The following MACO1 variants were observed in gnomAD, a reference collection of about 807,000 sequenced individuals.
The protein encoded by MACO1 is macoilin.
Under a neutral mutation model 78.7 loss-of-function variants are expected in MACO1, and 14 were observed. The ratio of observed to expected loss-of-function variants is 0.18; its 90% confidence interval spans 0.12 to 0.28. MACO1 has a LOEUF of 0.28. Among genes scored for constraint, MACO1 ranks in the 10% least tolerant of loss-of-function variants. The pLI is 1.00. For missense variants in MACO1, 501 were observed against 799.0 expected, an observed-to-expected ratio of 0.63 and a Z score of 4.50; for synonymous variants, 288 against 291.6, an observed-to-expected ratio of 0.99 and a Z score of 0.12.
intron 1 of MACO1, among the ~76,000 whole-genome samples, chr1:25,431,795 T>A (rs2124563447): frequency 6.6e-6 from 1 of 152,366 alleles, no homozygotes; most frequent in African/African-American, 2.4e-5. Context: ...AATCATGCCC[T>A]GTGGCCCTGC....
chr1:25,494,448 C>T (rs1242581398), intron 10 of MACO1, among the ~76,000 whole-genome samples: 2 of 152,006 alleles, frequency 1.3e-5, no homozygotes, highest in Non-Finnish European at 2.9e-5. Context: ...AAGCTGGGGG[C>T]AGGGAAGGAA....
intron 1 of MACO1, among the ~76,000 whole-genome samples, chr1:25,434,693 CAAAT>C (rs2042904412): frequency 1.3e-5 from 2 of 152,150 alleles, no homozygotes. Flanking sequence ...TTTTCTATCT[CAAAT>C]GAGATAGATA....
In MACO1 at chr1:25,458,411, A is replaced by G. The variant is rs2043141513; in HGVS notation, c.673A>G (p.Met225Val). 2 of 1,595,836 alleles carry G rather than the reference A, an allele frequency of 1.3e-6. No homozygotes were observed. Among genetic ancestry groups the G allele is most frequent in the African/African-American group, 1.4e-5 (1 of 73,378 alleles). ...AEEAAKGLPDMDSSILIHHNG... is the reference protein window; with the variant it reads ...AEEAAKGLPDVDSSILIHHNG... ...TGTAGCAGCCAAAGGATTACCTGAT[A>G]TGGATTCTTCGATCCTTATACACCA... The change falls in exon 6 of 11, where the codon ATG (methionine) becomes GTG (valine). Residue 225 changes from methionine (M) to valine (V), a missense_variant. By Grantham distance (21) the Met-to-Val change is conservative. This residue lies in a region of MACO1 where 171 missense variants were observed against 292.1 expected (regional missense o/e 0.59). Coordinates refer to ENST00000374343, the MANE Select transcript of MACO1 (RefSeq NM_018202.6).
At chr1:25,439,417 AAAG>A (rs1291995513) in intron 1 of MACO1, among the ~76,000 whole-genome samples, 5 of 146,774 alleles carry the variant, frequency 3.4e-5, no homozygotes, top group South Asian at 2.2e-4. Context: ...AACAAACAAA[AAAG>A]GGCATATTTC....
intron 1 of MACO1, among the ~76,000 whole-genome samples, chr1:25,445,534 A>G (rs74060798): frequency 0.051 from 7,693 of 152,016 alleles, 611 homozygotes; most frequent in African/African-American, 0.17. Flanking sequence ...TAAATCCTCA[A>G]TGCTGGATCC....
intron 6 of MACO1, among the ~76,000 whole-genome samples, chr1:25,473,379 C>T (rs1409855093): frequency 5.3e-5 from 8 of 151,870 alleles, no homozygotes; most frequent in Admixed American, 2.0e-4. Flanking sequence ...AACAGTTTAC[C>T]GAATGTCTCC....
At chr1:25,453,519 C>T (rs904482205) in intron 3 of MACO1, among the ~76,000 whole-genome samples, 29 of 150,496 alleles carry the variant, frequency 1.9e-4, no homozygotes, top group African/African-American at 4.6e-4. Context: ...AAAAATTAGC[C>T]GGTCGTGGTG....
chr1:25,433,727 G>A (rs1259179546), intron 1 of MACO1, among the ~76,000 whole-genome samples: 2 of 152,164 alleles, frequency 1.3e-5, no homozygotes, highest in Non-Finnish European at 2.9e-5. Context: ...AGGCAGACAG[G>A]GCATCCACAG....
chr1:25,438,051 G>C (rs1251170079), intron 1 of MACO1, among the ~76,000 whole-genome samples: 1 of 152,148 alleles, frequency 6.6e-6, no homozygotes, highest in African/African-American at 2.4e-5. Flanking sequence ...GCTAAAAAAG[G>C]TTTTCACGGT....
intron 6 of MACO1, among the ~76,000 whole-genome samples, chr1:25,479,827 CAATT>C (rs1185733684): frequency 6.6e-6 from 1 of 151,912 alleles, no homozygotes; most frequent in Non-Finnish European, 1.5e-5. Context: ...TATTAGTCAG[CAATT>C]AATTATTTAT....
intron 1 of MACO1, among the ~76,000 whole-genome samples, chr1:25,435,979 A>G (rs1386815140): frequency 3.3e-5 from 5 of 152,096 alleles, no homozygotes; most frequent in Non-Finnish European, 7.4e-5. Flanking sequence ...AAATCCCTTT[A>G]AATTGCTGCT....
intron 6 of MACO1, among the ~76,000 whole-genome samples, chr1:25,479,042 A>G (rs1212029141): frequency 2.6e-5 from 4 of 151,670 alleles, no homozygotes; most frequent in African/African-American, 9.7e-5. Flanking sequence ...GTGGCCCTTA[A>G]CTCAGATAAA....
Position 25,498,498 on chromosome 1 carries a change from G to T in MACO1, c.*32G>T. 6.4e-7 allele frequency: 1 copy of T among 1,558,402 alleles called. No homozygotes were observed. Among genetic ancestry groups the T allele is most frequent in the Non-Finnish European group, 8.7e-7 (1 of 1,155,928 alleles). ...GCTGTGTGTTGTGCCCAAAAATTTGGTTACCGGAAGGCATTGCAAAGGAGC... is the reference window on the plus strand; with the variant it reads ...GCTGTGTGTTGTGCCCAAAAATTTGTTTACCGGAAGGCATTGCAAAGGAGC... On this transcript the variant is annotated 3_prime_UTR_variant, in exon 11 of 11. Coordinates refer to ENST00000374343, the MANE Select transcript of MACO1 (RefSeq NM_018202.6).
chr1:25,479,323 G>T (rs978793903), intron 6 of MACO1, among the ~76,000 whole-genome samples: 1 of 152,036 alleles, frequency 6.6e-6, no homozygotes, highest in African/African-American at 2.4e-5. Context: ...AGCACCAAAG[G>T]GTTAAGTATG....
At chr1:25,436,647 G>C (rs2042921603) in intron 1 of MACO1, among the ~76,000 whole-genome samples, 1 of 152,182 alleles carries the variant, frequency 6.6e-6, no homozygotes, top group Admixed American at 6.5e-5. Flanking sequence ...TGCTTAAGTA[G>C]TGACTTTTCA....
Position 25,448,826 on chromosome 1 carries a change from G to T in MACO1, c.241G>T (p.Val81Phe). The T allele has an allele frequency of 6.5e-7, 1 of 1,546,822 alleles. No individual in the cohort carries two copies. Among genetic ancestry groups the T allele is most frequent in the Non-Finnish European group, 8.8e-7 (1 of 1,135,038 alleles). ...CCTTTAGGCCTTCTCAGTATTTTTT[G>T]TTTGTGTAGCATTCACGTCAAATAT... ...YQGLAFSVFF[V>F]CVAFTSNIIC... The change falls in exon 3 of 11, where the codon GTT becomes TTT. Residue 81 changes from valine (V) to phenylalanine (F), a missense_variant. By Grantham distance (50) the Val-to-Phe change is conservative. Transcript: ENST00000374343.
chr1:25,443,264 G>C (rs1373333278), intron 1 of MACO1, among the ~76,000 whole-genome samples: 1 of 152,178 alleles, frequency 6.6e-6, no homozygotes, highest in East Asian at 1.9e-4. Context: ...GATGGAGAGG[G>C]CTAAGTGAAT....
At chr1:25,441,432 G>A (rs1383447233) in intron 1 of MACO1, among the ~76,000 whole-genome samples, 3 of 152,092 alleles carry the variant, frequency 2.0e-5, no homozygotes, top group Admixed American at 6.6e-5. Context: ...TCATCCACCC[G>A]CCTCAGCCTC....
chr1:25,433,579 CT>C (rs1020861285), intron 1 of MACO1, among the ~76,000 whole-genome samples: 3 of 152,134 alleles, frequency 2.0e-5, no homozygotes, highest in Non-Finnish European at 4.4e-5. Context: ...CTTTCATGGA[CT>C]TACTATTTTC....
Sources: allele counts gnomAD v4.1 joint callset (sites outside exome capture counted in the v4.1 genomes callset), GRCh38; gene constraint gnomAD v4.1.1; regional missense constraint gnomAD v4.1.1; transcripts MANE v1.5; gene names NCBI Gene and HGNC (gene_info 2026-07-23, HGNC 2026-07-21).